NELL1: variants seen among roughly 807,000 people sequenced by gnomAD.
The protein encoded by NELL1 is neural EGFL like 1.
Under a neutral mutation model 107.4 loss-of-function variants are expected in NELL1, and 76 were observed. That is an observed-to-expected ratio of 0.71 (90% CI 0.59 to 0.86). The LOEUF is 0.86. Among genes scored for constraint, NELL1 ranks in the 40% least tolerant of loss-of-function variants. The pLI, the probability that NELL1 is intolerant of heterozygous loss-of-function variation, is 0.00. For synonymous variants in NELL1, 353 were observed against 341.2 expected (o/e 1.03, Z -0.38); for missense variants, 1,024 against 1,005.5 (o/e 1.02, Z -0.25).
intron 2 of NELL1, among the ~76,000 whole-genome samples, chr11:20,698,280 A>T (rs928234453): frequency 1.1e-4 from 17 of 152,178 alleles, no homozygotes; most frequent in Non-Finnish European, 2.5e-4. Flanking sequence ...GAAAATCATT[A>T]AATGGCTTTG....
intron 2 of NELL1, among the ~76,000 whole-genome samples, chr11:20,717,883 A>C (rs1216315373): frequency 1.7e-4 from 26 of 152,188 alleles, no homozygotes; most frequent in Admixed American, 1.7e-3. Flanking sequence ...CACTCAATGC[A>C]AGTGCATATG....
At chr11:21,386,087 GT>G (rs2133775683) in intron 15 of NELL1, among the ~76,000 whole-genome samples, 1 of 151,658 alleles carries the variant, frequency 6.6e-6, no homozygotes, top group East Asian at 2.0e-4. Flanking sequence ...TTAATTTCAT[GT>G]TTACTTGTTT....
At chr11:21,220,193 T>C (rs1056681857) in intron 13 of NELL1, among the ~76,000 whole-genome samples, 10 of 152,058 alleles carry the variant, frequency 6.6e-5, no homozygotes, top group African/African-American at 2.4e-4. Context: ...TATTATTGGG[T>C]TCTCTATTAT....
intron 14 of NELL1, among the ~76,000 whole-genome samples, chr11:21,295,691 A>C (rs1419438307): frequency 1.3e-5 from 2 of 152,060 alleles, no homozygotes; most frequent in East Asian, 3.9e-4. Flanking sequence ...GAAGGGAGGC[A>C]CTTGGTCCTT....
At chr11:20,742,132 C>A (rs879556202) in intron 2 of NELL1, among the ~76,000 whole-genome samples, 1 of 152,212 alleles carries the variant, frequency 6.6e-6, no homozygotes, top group Non-Finnish European at 1.5e-5. Flanking sequence ...GAGGACTTTG[C>A]AGTAAGAAGG....
intron 3 of NELL1, among the ~76,000 whole-genome samples, chr11:20,841,550 A>G (rs544076864): frequency 2.0e-5 from 3 of 152,300 alleles, no homozygotes; most frequent in African/African-American, 7.2e-5. Context: ...TTGACCAATC[A>G]GATGCAAATT....
At chr11:21,385,776 C>A (rs908429912) in intron 15 of NELL1, among the ~76,000 whole-genome samples, 3 of 151,928 alleles carry the variant, frequency 2.0e-5, no homozygotes, top group Non-Finnish European at 4.4e-5. Context: ...CAATGACTCG[C>A]TCCGAGTAGC....
intron 11 of NELL1, among the ~76,000 whole-genome samples, chr11:20,956,750 A>G (rs566386727): frequency 6.6e-6 from 1 of 152,314 alleles, no homozygotes; most frequent in African/African-American, 2.4e-5. Flanking sequence ...TAAATTATAA[A>G]TTCGATCTCC....
At chr11:20,984,703 C>G (rs1358868682) in intron 12 of NELL1, among the ~76,000 whole-genome samples, 2 of 152,020 alleles carry the variant, frequency 1.3e-5, no homozygotes, top group East Asian at 3.9e-4. Context: ...TGAGTCATCA[C>G]CATCCTGTGT....
chr11:21,355,521 G>GT (rs1485307155), intron 14 of NELL1, among the ~76,000 whole-genome samples: 1 of 152,160 alleles, frequency 6.6e-6, no homozygotes, highest in Non-Finnish European at 1.5e-5. Context: ...GGCAAAATCA[G>GT]TCAGCAAATA....
chr11:20,934,819 T>C (rs781683106), intron 9 of NELL1, among the ~76,000 whole-genome samples: 9 of 152,156 alleles, frequency 5.9e-5, no homozygotes, highest in Non-Finnish European at 1.3e-4. Flanking sequence ...CTGGGAAATC[T>C]AGCTCTCATT....
rs1377023723 is a variant in NELL1 at position 20,927,284 on chromosome 11, A to T, written c.760-24A>T. On this transcript the variant is annotated intron_variant, in intron 7 of 19. Coordinates refer to ENST00000357134, the MANE Select transcript of NELL1 (RefSeq NM_006157.5). ...ATGATGCAATTGAATTACAGAAATT[A>T]CATTCAGTAACTCTTGTTTGCAGCT... 2.5e-6 allele frequency: 4 copies of T among 1,586,990 alleles called. No homozygotes were observed. In the Admixed American group the frequency reaches 7.8e-5, roughly 31 times the overall value.
At chr11:21,439,677 G>C (rs1380811110) in intron 15 of NELL1, among the ~76,000 whole-genome samples, 1 of 152,142 alleles carries the variant, frequency 6.6e-6, no homozygotes, top group Non-Finnish European at 1.5e-5. Context: ...ATACAGCCAA[G>C]TCAATGAGCA....
chr11:21,238,583 G>A lies in NELL1; in HGVS notation c.1549+9129G>A, dbSNP rs570323422. 1.1e-4 allele frequency among the ~76,000 whole-genome samples: 17 copies of A among 152,126 alleles called. No individual in the cohort carries two copies. In the South Asian group the frequency reaches 3.5e-3, roughly 32 times the overall value. On this transcript the variant is annotated intron_variant, in intron 14 of 19. Coordinates refer to ENST00000357134, the MANE Select transcript of NELL1 (RefSeq NM_006157.5). ...AAAATGAGCTTCAAAGGAGAAAGGG[G>A]CTTTGCTGGAGGAAAGGGAAGTAGT...
chr11:20,713,386 G>A (rs1412632524), intron 2 of NELL1, among the ~76,000 whole-genome samples: 1 of 151,976 alleles, frequency 6.6e-6, no homozygotes, highest in Non-Finnish European at 1.5e-5. Flanking sequence ...AGGCCAATGG[G>A]GTTATGTTTC....
At chr11:20,691,514 A>C (rs1476289046) in intron 2 of NELL1, among the ~76,000 whole-genome samples, 5 of 152,112 alleles carry the variant, frequency 3.3e-5, no homozygotes, top group South Asian at 4.2e-4. Context: ...ATTTTGTTGA[A>C]GGCCTTTTTT....
At chr11:21,514,985 T>C (rs1855522744) in intron 15 of NELL1, among the ~76,000 whole-genome samples, 1 of 152,124 alleles carries the variant, frequency 6.6e-6, no homozygotes, top group Admixed American at 6.5e-5. Context: ...AGGGGTTTCT[T>C]ATAGCTTGCA....
chr11:21,575,277 G>A lies in NELL1; in HGVS notation c.*255G>A. On this transcript the variant is annotated 3_prime_UTR_variant, in exon 20 of 20. Transcript: ENST00000357134. ...ATGGTTGTTAAAAGAAGTTTCCCGTGTTGTAAATCATGTTTCCCTTATCAG... is the reference window on the plus strand; with the variant it reads ...ATGGTTGTTAAAAGAAGTTTCCCGTATTGTAAATCATGTTTCCCTTATCAG... The A allele has an allele frequency of 2.3e-6, 1 of 429,044 alleles. No individual in the cohort carries two copies. The allele number at this position is 429,044 out of a possible 1,614,324, so 26.6% of individuals were successfully genotyped here.
At chr11:21,384,459 A>G (rs781705008) in intron 15 of NELL1, among the ~76,000 whole-genome samples, 21 of 150,170 alleles carry the variant, frequency 1.4e-4, no homozygotes, top group Non-Finnish European at 2.1e-4. Flanking sequence ...TTTATTTATT[A>G]TTATACTTTA....
Sources: allele counts gnomAD v4.1 joint callset (sites outside exome capture counted in the v4.1 genomes callset), GRCh38; gene constraint gnomAD v4.1.1; transcripts MANE v1.5; gene names NCBI Gene and HGNC (gene_info 2026-07-23, HGNC 2026-07-21).